EDIL3: variants seen among roughly 807,000 people sequenced by gnomAD.
EDIL3 encodes the protein EGF like and discoidin domains 3, also known as EGF-like repeat and discoidin I-like domain-containing protein 3.
EDIL3 carries 37 observed loss-of-function variants against 67.4 expected under a neutral mutation model. That is an observed-to-expected ratio of 0.55 (90% CI 0.42 to 0.72). The LOEUF (loss-of-function observed/expected upper bound fraction) is 0.72. EDIL3 is among the 30% of genes least tolerant of loss of function. The pLI, the probability that EDIL3 is intolerant of heterozygous loss-of-function variation, is 0.00. For synonymous variants in EDIL3, 195 were observed against 196.3 expected (o/e 0.99, Z 0.05); for missense variants, 527 against 586.3 (o/e 0.90, Z 1.04).
chr5:84,033,014 T>C (rs562446632), intron 9 of EDIL3, among the ~76,000 whole-genome samples: 1 of 152,146 alleles, frequency 6.6e-6, no homozygotes, highest in South Asian at 2.1e-4. Context: ...GGCCCCTCTG[T>C]TGGTTTCAAA....
At chr5:84,169,851 T>A (rs916403425) in intron 4 of EDIL3, among the ~76,000 whole-genome samples, 1 of 152,122 alleles carries the variant, frequency 6.6e-6, no homozygotes, top group African/African-American at 2.4e-5. Context: ...GCTATGAGTA[T>A]CCAGGTACAG....
At chr5:83,991,131 T>C (rs11949824) in intron 9 of EDIL3, among the ~76,000 whole-genome samples, 37,619 of 152,022 alleles carry the variant, frequency 0.25, 5,205 homozygotes, top group South Asian at 0.37. Context: ...CTATTAAACA[T>C]GTATATTCTT....
intron 9 of EDIL3, chr5:84,048,257 C>T (rs1746260378): frequency 2.3e-6 from 1 of 442,364 alleles, no homozygotes; most frequent in Non-Finnish European, 4.5e-6. Context: ...TTTTGAAAAC[C>T]TTTCCTTTAG....
intron 1 of EDIL3, among the ~76,000 whole-genome samples, chr5:84,268,200 C>T (rs1745389424): frequency 6.6e-6 from 1 of 151,872 alleles, no homozygotes; most frequent in South Asian, 2.1e-4. Flanking sequence ...GTTAACTGTC[C>T]TTTGATAATG....
At chr5:84,213,886 C>A (rs1198970769) in intron 3 of EDIL3, among the ~76,000 whole-genome samples, 2 of 152,056 alleles carry the variant, frequency 1.3e-5, no homozygotes, top group African/African-American at 4.8e-5. Flanking sequence ...AATAACAATG[C>A]AATAATGAGG....
chr5:84,187,323 T>A (rs1032388364), intron 3 of EDIL3, among the ~76,000 whole-genome samples: 3 of 152,110 alleles, frequency 2.0e-5, no homozygotes, highest in Non-Finnish European at 2.9e-5. Context: ...GAGTTAGAGT[T>A]ATTTCCATAT....
At chr5:83,954,513 C>A (rs1744477996) in intron 10 of EDIL3, among the ~76,000 whole-genome samples, 1 of 151,618 alleles carries the variant, frequency 6.6e-6, no homozygotes, top group African/African-American at 2.4e-5. Context: ...CCTCTCTTGC[C>A]ACGTGATGAG....
chr5:84,224,865 T>C (rs1354548793), intron 3 of EDIL3, among the ~76,000 whole-genome samples: 1 of 151,570 alleles, frequency 6.6e-6, no homozygotes, highest in Non-Finnish European at 1.5e-5. Flanking sequence ...ATCAACATAC[T>C]TAGATTAAAT....
intron 3 of EDIL3, among the ~76,000 whole-genome samples, chr5:84,201,096 G>A (rs549111637): frequency 7.2e-5 from 11 of 151,912 alleles, no homozygotes; most frequent in South Asian, 2.1e-4. Context: ...ATAAATAATC[G>A]TGAACATAAA....
intron 6 of EDIL3, among the ~76,000 whole-genome samples, chr5:84,073,048 G>T (rs140455132): frequency 2.0e-5 from 3 of 152,190 alleles, no homozygotes; most frequent in Non-Finnish European, 2.9e-5. Context: ...GACAGGGGCT[G>T]CTTCTTCTTC....
At chr5:84,194,980 G>A (rs918657564) in intron 3 of EDIL3, among the ~76,000 whole-genome samples, 3 of 151,878 alleles carry the variant, frequency 2.0e-5, no homozygotes, top group Admixed American at 1.3e-4. Flanking sequence ...ATACTATACA[G>A]AATACGGTCA....
chr5:84,144,423 A>G (rs1748257149), intron 4 of EDIL3, among the ~76,000 whole-genome samples: 2 of 152,218 alleles, frequency 1.3e-5, no homozygotes, highest in South Asian at 4.1e-4. Context: ...ATAGACAAGG[A>G]AACAATCAGT....
At chr5:83,981,249 G>A (rs998674799) in intron 9 of EDIL3, among the ~76,000 whole-genome samples, 4 of 152,010 alleles carry the variant, frequency 2.6e-5, no homozygotes, top group African/African-American at 9.7e-5. Context: ...TCACTAGGAA[G>A]CTAGAAAAAT....
At chr5:84,195,616 C>T (rs1743688614) in intron 3 of EDIL3, among the ~76,000 whole-genome samples, 1 of 151,916 alleles carries the variant, frequency 6.6e-6, no homozygotes. Flanking sequence ...CCTGATTGTA[C>T]AAGACATTCT....
At chr5:84,248,154 T>G (rs929177336) in intron 2 of EDIL3, among the ~76,000 whole-genome samples, 1 of 152,192 alleles carries the variant, frequency 6.6e-6, no homozygotes, top group Admixed American at 6.5e-5. Context: ...CATTTAATTT[T>G]TTTCTACAAA....
At chr5:84,174,628 G>T (rs146524487) in intron 4 of EDIL3, among the ~76,000 whole-genome samples, 4 of 152,130 alleles carry the variant, frequency 2.6e-5, no homozygotes, top group African/African-American at 9.7e-5. Flanking sequence ...TCAGGTGCTT[G>T]GGTGTCATCT....
intron 6 of EDIL3, among the ~76,000 whole-genome samples, chr5:84,102,072 A>G (rs948085679): frequency 1.4e-4 from 21 of 152,114 alleles, no homozygotes; most frequent in Non-Finnish European, 2.6e-4. Flanking sequence ...CAAAAACCAC[A>G]TGATCATCTC....
At chr5:84,248,684 T>C (rs557457967) in intron 2 of EDIL3, among the ~76,000 whole-genome samples, 13 of 152,298 alleles carry the variant, frequency 8.5e-5, no homozygotes, top group African/African-American at 2.9e-4. Context: ...CTGTGTATTG[T>C]CATTTATAAT....
At chr5:84,071,694 G>A (rs1465073270) in intron 6 of EDIL3, among the ~76,000 whole-genome samples, 4 of 152,194 alleles carry the variant, frequency 2.6e-5, no homozygotes, top group African/African-American at 9.6e-5. Flanking sequence ...CTCATATTGG[G>A]AGATGATGCA....
Sources: allele counts gnomAD v4.1 joint callset (sites outside exome capture counted in the v4.1 genomes callset), GRCh38; gene constraint gnomAD v4.1.1; transcripts MANE v1.5; gene names NCBI Gene and HGNC (gene_info 2026-07-23, HGNC 2026-07-21).